ERAP1: variants seen among roughly 807,000 people sequenced by gnomAD.
ERAP1 encodes adipocyte-derived leucine aminopeptidase.
Under a neutral mutation model 103.7 loss-of-function variants are expected in ERAP1, and 86 were observed. The ratio of observed to expected loss-of-function variants is 0.83; its 90% CI spans 0.70 to 0.99. The LOEUF (loss-of-function observed/expected upper bound fraction) is 0.99. Ranked by LOEUF, ERAP1 falls within the 50% of genes least tolerant of loss-of-function variation. The probability of loss-of-function intolerance (pLI) is 0.00; values close to 1 mark genes in which losing one functional copy is unlikely to be tolerated. For missense variants in ERAP1, 1,009 were observed against 1,128.4 expected (o/e 0.89, Z 1.52); for synonymous variants, 398 against 402.4 (o/e 0.99, Z 0.13).
the ERAP1 span, among the ~76,000 whole-genome samples, chr5:96,854,716 A>G: frequency 1.3e-5 from 2 of 152,220 alleles, no homozygotes; most frequent in South Asian, 4.1e-4. Flanking sequence ...TTCAATTTCC[A>G]TGGGCATTTG....
At chr5:96,785,272 C>G (rs1775836750) in intron 13 of ERAP1, 1 of 174,624 alleles carries the variant, frequency 5.7e-6, no homozygotes, top group Non-Finnish European at 1.2e-5. Context: ...ATTTTATGAG[C>G]TATATTCCAT....
the ERAP1 span, among the ~76,000 whole-genome samples, chr5:96,851,817 C>T: frequency 1.3e-5 from 2 of 152,088 alleles, no homozygotes; most frequent in African/African-American, 4.8e-5. Context: ...ACCAGAAGCA[C>T]AGGACTGCTC....
the ERAP1 span, among the ~76,000 whole-genome samples, chr5:96,843,369 A>T: frequency 6.6e-6 from 1 of 152,166 alleles, no homozygotes; most frequent in Non-Finnish European, 1.5e-5. Flanking sequence ...CAAATGTCTT[A>T]TTGGTTGCAG....
the ERAP1 span, among the ~76,000 whole-genome samples, chr5:96,906,092 G>C: frequency 6.6e-6 from 1 of 151,974 alleles, no homozygotes; most frequent in Non-Finnish European, 1.5e-5. Flanking sequence ...ATCTTTACAA[G>C]AGGTGATACT....
the ERAP1 span, among the ~76,000 whole-genome samples, chr5:96,869,915 A>G: frequency 6.6e-6 from 1 of 152,196 alleles, no homozygotes; most frequent in African/African-American, 2.4e-5. Context: ...AATTGGACCA[A>G]CCCTCCCACT....
intron 19 of ERAP1, chr5:96,767,520 T>C (rs760401641): frequency 1.3e-6 from 2 of 1,558,888 alleles, no homozygotes; most frequent in South Asian, 2.2e-5. Context: ...TAAATTTTGT[T>C]TTATTCTAGC....
chr5:96,870,768 T>G, the ERAP1 span, among the ~76,000 whole-genome samples: 1 of 152,204 alleles, frequency 6.6e-6, no homozygotes, highest in Admixed American at 6.5e-5. Flanking sequence ...TTCATCCTTT[T>G]GGATCCTGCT....
rs1054500608 is a variant in ERAP1 at position 96,786,626 on chromosome 5, C to G, written c.1680-77G>C. 5 of 949,424 alleles carry G rather than the reference C, an allele frequency of 5.3e-6. No individual in the cohort carries two copies. The Admixed American group carries it at 5.4e-5, about 10-fold the overall frequency. The allele number at this position is 949,424 out of a possible 1,614,324, so 58.8% of individuals were successfully genotyped here. A position where few individuals can be genotyped will look rare whatever the true frequency, so the allele number is the denominator to read the frequency against. On this transcript the variant is annotated intron_variant, in intron 11 of 18. Coordinates refer to ENST00000443439, the MANE Select transcript of ERAP1 (RefSeq NM_001040458.3). Reference sequence around the variant, plus strand: ...AGTTATTAAATCACCTATCATGTGCCAGGCACTGGTTAGTTTAGAACAAGA... The same window carrying G: ...AGTTATTAAATCACCTATCATGTGCGAGGCACTGGTTAGTTTAGAACAAGA...
the ERAP1 span, among the ~76,000 whole-genome samples, chr5:96,927,320 T>A: frequency 6.6e-6 from 1 of 152,238 alleles, no homozygotes; most frequent in Non-Finnish European, 1.5e-5. Context: ...GTATTTACTA[T>A]TATCTGGTTT....
At chr5:96,909,170 T>C in the ERAP1 span, 22 of 1,556,094 alleles carry the variant, frequency 1.4e-5, 1 homozygote, top group Non-Finnish European at 1.8e-5. Flanking sequence ...GTCTGGAGTA[T>C]CAGTCAGGCT....
chr5:96,807,929 G>A lies in ERAP1; in HGVS notation c.-87C>T, dbSNP rs982505527. The A allele has an allele frequency of 3.0e-6, 3 of 985,930 alleles. No individual in the cohort carries two copies. The highest frequency in any genetic ancestry group is 2.3e-4 in the East Asian group (2 of 8,848). The allele number at this position is 985,930 out of a possible 1,614,324, so 61.1% of individuals were successfully genotyped here. ...CACTGCCGCCGGCCTAGCTCCCCCA[G>A]GACCGAAAGTGAAAGTGGAGCCCGG... On this transcript the variant is annotated 5_prime_UTR_variant, in exon 1 of 19. Coordinates refer to ENST00000443439, the MANE Select transcript of ERAP1 (RefSeq NM_001040458.3).
the ERAP1 span, among the ~76,000 whole-genome samples, chr5:96,860,747 A>T: frequency 6.6e-6 from 1 of 152,082 alleles, no homozygotes; most frequent in African/African-American, 2.4e-5. Context: ...GCTAATGCAC[A>T]TTTGTCAGTT....
At chr5:96,838,140 G>C in the ERAP1 span, among the ~76,000 whole-genome samples, 12 of 152,180 alleles carry the variant, frequency 7.9e-5, no homozygotes, top group Non-Finnish European at 1.5e-5. Flanking sequence ...TTGGGCCGTG[G>C]TTCCAGGCTT....
the ERAP1 span, among the ~76,000 whole-genome samples, chr5:96,833,988 C>T: frequency 0.052 from 7,930 of 152,146 alleles, 257 homozygotes; most frequent in South Asian, 0.11. Context: ...TACCAAAATG[C>T]ATGCCAGTTG....
chr5:96,883,913 C>T, the ERAP1 span: 1 of 1,610,592 alleles, frequency 6.2e-7, no homozygotes, highest in South Asian at 1.1e-5. Context: ...GCATATTGCA[C>T]TATCCAACAT....
rs1775101889 is a variant in ERAP1, at chr5:96,781,079, T to C, written c.2567A>G (p.Asn856Ser). 1 of 1,613,900 alleles carries C rather than the reference T, an allele frequency of 6.2e-7. No homozygotes were observed. ...YPLAWQFLRK[N>S]WNKLVQKFEL... ...TTACTTTTGTACAAGTTTGTTCCAGTTTTTCCTCAGAAATTGCCAGGCCAG... is the reference window on the plus strand; with the variant it reads ...TTACTTTTGTACAAGTTTGTTCCAGCTTTTCCTCAGAAATTGCCAGGCCAG... The change falls in exon 17 of 19, where the codon AAC (asparagine) becomes AGC (serine). Residue 856 changes from asparagine (N) to serine (S), a missense_variant. Transcript: ENST00000443439.
At chr5:96,879,961 T>C in the ERAP1 span, 4 of 1,614,198 alleles carry the variant, frequency 2.5e-6, no homozygotes, top group Non-Finnish European at 3.4e-6. Flanking sequence ...TGGACTTTGT[T>C]GCATCTGAGA....
At chr5:96,935,853 C>A in the ERAP1 span, 2 of 385,266 alleles carry the variant, frequency 5.2e-6, no homozygotes, top group Admixed American at 9.3e-5. Flanking sequence ...GCAGCCGGGT[C>A]CACTTCAGGT....
the ERAP1 span, chr5:96,899,973 C>T: frequency 5.2e-6 from 5 of 958,520 alleles, no homozygotes; most frequent in Non-Finnish European, 7.7e-6. Context: ...GCAAACATGC[C>T]TTTTTTTCCA....
Sources: allele counts gnomAD v4.1 joint callset (sites outside exome capture counted in the v4.1 genomes callset), GRCh38; gene constraint gnomAD v4.1.1; transcripts MANE v1.5; gene names NCBI Gene and HGNC (gene_info 2026-07-23, HGNC 2026-07-21).